CDH12: variants seen among roughly 807,000 people sequenced by gnomAD.
The protein encoded by CDH12 is cadherin-12.
In CDH12, 41 loss-of-function variants were observed where a neutral mutation model predicts 74.1. That is an observed-to-expected ratio of 0.55 (90% CI 0.43 to 0.72). The LOEUF is 0.72. Ranked by LOEUF, CDH12 falls within the 30% of genes least tolerant of loss-of-function variation. The probability of loss-of-function intolerance (pLI) is 0.00; values close to 1 mark genes in which losing one functional copy is unlikely to be tolerated. For synonymous variants in CDH12, 399 were observed against 355.0 expected, an observed-to-expected ratio of 1.12 and a Z score of -1.39; for missense variants, 945 against 977.2, an observed-to-expected ratio of 0.97 and a Z score of 0.44.
At chr5:22,819,731 C>T (rs957479026) in intron 1 of CDH12, among the ~76,000 whole-genome samples, 3 of 151,200 alleles carry the variant, frequency 2.0e-5, no homozygotes, top group Non-Finnish European at 3.0e-5. Context: ...AAAATACATG[C>T]TTAATGTTTA....
At chr5:22,451,509 T>C (rs1000625851) in intron 2 of CDH12, among the ~76,000 whole-genome samples, 3 of 152,004 alleles carry the variant, frequency 2.0e-5, no homozygotes, top group African/African-American at 7.2e-5. Flanking sequence ...AAGCATTTAG[T>C]AAACTTCAAC....
chr5:21,880,611 CCT>C (rs1561268303), intron 6 of CDH12, among the ~76,000 whole-genome samples: 13 of 79,488 alleles, frequency 1.6e-4, no homozygotes, highest in African/African-American at 6.0e-4. Context: ...TTCCTTCCTT[CCT>C]TCCTTCTTTC....
chr5:21,898,546 C>CA (rs1327582654), intron 6 of CDH12, among the ~76,000 whole-genome samples: 46 of 151,800 alleles, frequency 3.0e-4, no homozygotes, highest in Admixed American at 2.7e-3. Flanking sequence ...ACTAAAAATA[C>CA]AAAAAATTAG....
intron 9 of CDH12, among the ~76,000 whole-genome samples, chr5:21,816,624 CAAA>C (rs542222336): frequency 0.014 from 253 of 17,884 alleles, no homozygotes; most frequent in African/African-American, 0.031. Flanking sequence ...AACTCCATCT[CAAA>C]AAAAAAAAAA....
At chr5:22,585,352 C>G (rs532435066) in intron 1 of CDH12, among the ~76,000 whole-genome samples, 1 of 152,206 alleles carries the variant, frequency 6.6e-6, no homozygotes, top group East Asian at 1.9e-4. Context: ...TGCAGTTTCA[C>G]AATGATTTCT....
chr5:22,625,102 A>G (rs573384756), intron 1 of CDH12, among the ~76,000 whole-genome samples: 6 of 152,230 alleles, frequency 3.9e-5, no homozygotes, highest in Admixed American at 2.6e-4. Context: ...CAGGTGGGAA[A>G]TGAACAATGA....
chr5:22,739,250 G>A (rs1208233583), intron 1 of CDH12, among the ~76,000 whole-genome samples: 1 of 151,638 alleles, frequency 6.6e-6, no homozygotes, highest in South Asian at 2.1e-4. Flanking sequence ...GAATGTATTA[G>A]GGCCTATCTA....
At chr5:22,662,206 T>A (rs922090751) in intron 1 of CDH12, among the ~76,000 whole-genome samples, 1 of 152,202 alleles carries the variant, frequency 6.6e-6, no homozygotes, top group African/African-American at 2.4e-5. Flanking sequence ...TTAAAACTTA[T>A]GTTCAAGGAA....
intron 1 of CDH12, among the ~76,000 whole-genome samples, chr5:22,515,737 T>A (rs557707192): frequency 1.4e-4 from 22 of 152,204 alleles, no homozygotes; most frequent in African/African-American, 5.3e-4. Flanking sequence ...TACCTCACTC[T>A]ACATACAAAA....
In CDH12 at chr5:22,061,371, A is replaced by G. The variant is rs57226771; in HGVS notation, c.231+17075T>C. On this transcript the variant is annotated intron_variant, in intron 5 of 14. Transcript: ENST00000382254. ...TGGTTTTACTTTTTTCAGAGTCAGGAAAGAGGAATGTTTCTCTCATATATG... is the reference window on the plus strand; with the variant it reads ...TGGTTTTACTTTTTTCAGAGTCAGGGAAGAGGAATGTTTCTCTCATATATG... Among the ~76,000 whole-genome samples the G allele has an allele frequency of 2.5e-3, 374 of 152,280 alleles. 2 individuals are homozygous for G. The highest frequency in any genetic ancestry group is 8.5e-3 in the African/African-American group (354 of 41,580).
chr5:21,886,415 CTTTG>C (rs936179319), intron 6 of CDH12, among the ~76,000 whole-genome samples: 2 of 150,044 alleles, frequency 1.3e-5, no homozygotes, highest in African/African-American at 4.9e-5. Context: ...CTCAGATTCT[CTTTG>C]TTTGTGTTTT....
intron 5 of CDH12, among the ~76,000 whole-genome samples, chr5:22,052,982 TAAAG>T (rs1034192509): frequency 3.3e-5 from 5 of 152,080 alleles, no homozygotes; most frequent in Non-Finnish European, 5.9e-5. Context: ...AAGAGATGCT[TAAAG>T]AAAGTTTTAT....
chr5:22,307,873 G>GTT (rs35242143), intron 3 of CDH12, among the ~76,000 whole-genome samples: 46,636 of 68,466 alleles, frequency 0.68, 19,520 homozygotes, highest in Non-Finnish European at 0.75. Context: ...CTTTCTTTTA[G>GTT]TTTTTTTTTT....
rs528765187 is a variant in CDH12, at chr5:21,804,842, C to G, written c.1003-2422G>C. On this transcript the variant is annotated intron_variant, in intron 9 of 14. Transcript: ENST00000382254. ...TGAGTTTGAAGAAGTACCAAGTTCT[C>G]TATAATTACATGTGTTTAAGAGATA... 1.9e-3 allele frequency among the ~76,000 whole-genome samples: 289 copies of G among 152,040 alleles called. 1 individual carries two copies. The highest frequency in any genetic ancestry group is 6.6e-3 in the African/African-American group (272 of 41,464).
At chr5:22,495,213 A>G (rs1013922573) in intron 2 of CDH12, among the ~76,000 whole-genome samples, 1 of 152,168 alleles carries the variant, frequency 6.6e-6, no homozygotes, top group Non-Finnish European at 1.5e-5. Context: ...AAAAAATGGA[A>G]TAAATATCAT....
chr5:21,885,308 A>G (rs1441746640), intron 6 of CDH12, among the ~76,000 whole-genome samples: 1 of 152,204 alleles, frequency 6.6e-6, no homozygotes, highest in African/African-American at 2.4e-5. Context: ...GGCTATCTGT[A>G]ATTTACCCAA....
At chr5:22,450,419 G>C (rs1223770225) in intron 2 of CDH12, among the ~76,000 whole-genome samples, 1 of 151,680 alleles carries the variant, frequency 6.6e-6, no homozygotes, top group Non-Finnish European at 1.5e-5. Flanking sequence ...CTTGAAAAAG[G>C]ACCTCCCCCT....
chr5:22,108,662 C>T (rs770168526), intron 4 of CDH12, among the ~76,000 whole-genome samples: 4 of 152,170 alleles, frequency 2.6e-5, no homozygotes, highest in Non-Finnish European at 5.9e-5. Context: ...TAGATAGGAA[C>T]TCATCATATG....
Position 22,410,183 on chromosome 5 carries a change from T to G in CDH12, c.-427-4832A>C, listed in dbSNP as rs1254530530. Among the ~76,000 whole-genome samples, 3 of 152,156 alleles carry G rather than the reference T, an allele frequency of 2.0e-5. No individual in the cohort carries two copies. The East Asian group carries it at 5.8e-4, about 29-fold the overall frequency. On this transcript the variant is annotated intron_variant, in intron 2 of 14. Coordinates refer to ENST00000382254, the MANE Select transcript of CDH12 (RefSeq NM_004061.5). ...TGACCTTCTCCTGCCCTCCTGTCTC[T>G]CAGTTCCATTCTCCCCCAAGGATAG...
Sources: gnomAD v4.1 joint callset for allele counts (sites outside exome capture counted in the v4.1 genomes callset) on GRCh38, gnomAD v4.1.1 for gene constraint, MANE v1.5 for transcripts, NCBI Gene and HGNC (gene_info 2026-07-23, HGNC 2026-07-21) for gene names.